The following FAM114A2 variants were observed in gnomAD, a reference collection of about 807,000 sequenced individuals.
FAM114A2 encodes protein FAM114A2.
A neutral mutation model predicts 58.4 loss-of-function variants in FAM114A2; 53 were observed. The observed-to-expected ratio is 0.91, with a 90% CI of 0.73 to 1.14. The LOEUF (loss-of-function observed/expected upper bound fraction) is 1.14. Ranked by LOEUF, FAM114A2 falls within the 50% of genes most tolerant of loss-of-function variation. The pLI is 0.00. For missense variants in FAM114A2, 601 were observed against 581.1 expected (o/e 1.03, Z -0.35); for synonymous variants, 228 against 211.4 (o/e 1.08, Z -0.68).
At position 153,999,055 on chromosome 5, in the gene FAM114A2, G is replaced by C. The variant is rs117374374; in HGVS notation, c.1257-1180C>G. ...TGCTGTTGCACCACTAACTGCAAAA[G>C]TTATAGTAACAGTGTGTGATATGTA... On this transcript the variant is annotated intron_variant, in intron 11 of 13. Coordinates refer to ENST00000351797, the MANE Select transcript of FAM114A2 (RefSeq NM_018691.4). 3.0e-3 allele frequency among the ~76,000 whole-genome samples: 460 copies of C among 152,238 alleles called. 27 individuals are homozygous for C. The East Asian group carries it at 0.075, about 25-fold the overall frequency.
chr5:154,038,461 T>C (rs925308466), intron 1 of FAM114A2: 1 of 152,178 alleles, frequency 6.6e-6, no homozygotes, highest in African/African-American at 2.4e-5. Flanking sequence ...ACGCGATATG[T>C]GAGGGGCTTG....
rs1395831270 is a variant in FAM114A2, at chr5:154,028,165, T to C, written c.614A>G (p.Asn205Ser). 6.2e-7 allele frequency: 1 copy of C among 1,611,770 alleles called. No individual in the cohort carries two copies. The highest frequency in any genetic ancestry group is 1.3e-5 in the African/African-American group (1 of 74,772). Residue 205 changes from asparagine to serine, a missense_variant, in exon 6 of 14, where the codon AAT becomes AGT. Transcript: ENST00000351797. ...FKRTKGLMNRNATLSQVLREA... is the reference protein window; with the variant it reads ...FKRTKGLMNRSATLSQVLREA... The stretch of plus-strand genomic sequence containing the variant: ...AATCAGTACCTGAGATAGTGTAGCA[T>C]TTCGGTTCATCAGACCCTTGGTTCT...
chr5:154,005,598 T>C (rs761695796), intron 9 of FAM114A2, among the ~76,000 whole-genome samples: 5 of 152,198 alleles, frequency 3.3e-5, no homozygotes, highest in Non-Finnish European at 5.9e-5. Flanking sequence ...GGGATAGAGA[T>C]AGGTTCCTGA....
At chr5:154,002,196 G>A in intron 11 of FAM114A2, 55 bp downstream of exon 11, 2 of 1,555,344 alleles carry the variant, frequency 1.3e-6, no homozygotes, top group Non-Finnish European at 1.8e-6. Flanking sequence ...TTTGGAAACA[G>A]GCCAAGAAAA....
chr5:153,996,388 A>C (rs1486204268), intron 12 of FAM114A2, among the ~76,000 whole-genome samples: 1 of 152,116 alleles, frequency 6.6e-6, no homozygotes, highest in Non-Finnish European at 1.5e-5. Context: ...CACCATACAC[A>C]AAAATTAACT....
intron 8 of FAM114A2, among the ~76,000 whole-genome samples, chr5:154,019,133 T>C (rs1771234663): frequency 6.6e-6 from 1 of 152,130 alleles, no homozygotes; most frequent in Non-Finnish European, 1.5e-5. Flanking sequence ...TGTTTGCTGA[T>C]GATTGTTTAC....
Position 154,029,570 on chromosome 5 carries a change from A to G in FAM114A2, c.414T>C (p.Asn138=). ...TEVKYVAGET[N]AKENENSSPV... ...GGGAGGAGTTTTCATTCTCTTTGGC[A>G]TTTGTCTCTCCTACAAGAGGGAGGG... The change falls in exon 5 of 14, where the codon AAT becomes AAC. Residue 138 remains asparagine, a synonymous_variant. Transcript: ENST00000351797. The G allele has an allele frequency of 6.2e-7, 1 of 1,601,504 alleles. No homozygotes were observed. The highest frequency in any genetic ancestry group is 8.6e-7 in the Non-Finnish European group (1 of 1,169,174).
intron 8 of FAM114A2, 23 bp downstream of exon 8, chr5:154,026,376 C>CA: frequency 6.5e-7 from 1 of 1,527,980 alleles, no homozygotes; most frequent in South Asian, 1.3e-5. Flanking sequence ...CCTCTCCACT[C>CA]AGATACTAAA....
chr5:154,011,213 T>C (rs376550822), intron 9 of FAM114A2, 28 bp downstream of exon 9: 2 of 1,523,776 alleles, frequency 1.3e-6, no homozygotes, highest in Non-Finnish European at 1.8e-6. Flanking sequence ...AGTAAAATAA[T>C]GAAAATCACC....
At chr5:154,003,177 G>GCTTTTTTTTTTTTTTTTTTTTTTTT (rs369892098) in intron 9 of FAM114A2, among the ~76,000 whole-genome samples, 1 of 134,882 alleles carries the variant, frequency 7.4e-6, no homozygotes. Flanking sequence ...CTAATTGGTA[G>GCTTTTTTTTTTTTTTTTTTTTTTTT]TATTTTTTTT....
chr5:154,034,461 T>C (rs1581843015), intron 2 of FAM114A2, 84 bp from the exon 3 acceptor site: 1 of 816,808 alleles, frequency 1.2e-6, no homozygotes. Flanking sequence ...ACAAGGTATC[T>C]AATTATTAGC....
intron 11 of FAM114A2, among the ~76,000 whole-genome samples, chr5:153,998,506 C>T (rs1374486741): frequency 6.6e-6 from 1 of 152,108 alleles, no homozygotes; most frequent in Non-Finnish European, 1.5e-5. Flanking sequence ...CCAGAGAACA[C>T]GTAGTTATAA....
chr5:154,015,301 C>A (rs1017447573), intron 8 of FAM114A2, among the ~76,000 whole-genome samples: 6 of 152,318 alleles, frequency 3.9e-5, no homozygotes, highest in Middle Eastern at 3.4e-3. Flanking sequence ...AGTGCCACCT[C>A]CTGGCAGGAG....
chr5:154,036,560 T>C (rs1772573236), intron 1 of FAM114A2, among the ~76,000 whole-genome samples: 1 of 152,138 alleles, frequency 6.6e-6, no homozygotes, highest in Admixed American at 6.5e-5. Flanking sequence ...AAGAAAGGCA[T>C]ATTAAAACTA....
chr5:154,014,359 G>A (rs690027), intron 8 of FAM114A2, among the ~76,000 whole-genome samples: 93,518 of 152,050 alleles, frequency 0.62, 29,283 homozygotes, highest in East Asian at 0.88. Context: ...GGCTCGCATC[G>A]TAAACTTCTG....
At position 154,019,502 on chromosome 5, in the gene FAM114A2, C is replaced by A. The variant is rs77490580; in HGVS notation, c.913+6897G>T. 3.2e-3 allele frequency among the ~76,000 whole-genome samples: 494 copies of A among 152,158 alleles called. 2 individuals carry two copies. The highest frequency in any genetic ancestry group is 0.011 in the African/African-American group (468 of 41,538). On this transcript the variant is annotated intron_variant, in intron 8 of 13. Transcript: ENST00000351797. Reference sequence around the variant, plus strand: ...AACACTATCCCCATCAAAATACCACCGCCATTATTCATTGAACTAGAAAAA... The same window carrying A: ...AACACTATCCCCATCAAAATACCACAGCCATTATTCATTGAACTAGAAAAA...
intron 9 of FAM114A2, among the ~76,000 whole-genome samples, chr5:154,009,602 T>C (rs7722342): frequency 9.2e-4 from 140 of 152,268 alleles, no homozygotes; most frequent in African/African-American, 2.9e-3. Flanking sequence ...AAATAAACTT[T>C]AACTGTACAG....
intron 8 of FAM114A2, among the ~76,000 whole-genome samples, chr5:154,023,942 G>A (rs903044753): frequency 2.0e-5 from 3 of 152,102 alleles, no homozygotes; most frequent in Non-Finnish European, 2.9e-5. Context: ...TATGTTTCCT[G>A]TCACAAGAAA....
At chr5:154,036,244 C>T (rs1447142300) in intron 1 of FAM114A2, 1 of 152,194 alleles carries the variant, frequency 6.6e-6, no homozygotes, top group Admixed American at 6.5e-5. Context: ...ATTCCTACCT[C>T]AATTTTTCCA....
Sources: allele counts gnomAD v4.1 joint callset (sites outside exome capture counted in the v4.1 genomes callset), GRCh38; gene constraint gnomAD v4.1.1; transcripts MANE v1.5; gene names NCBI Gene and HGNC (gene_info 2026-07-23, HGNC 2026-07-21).